Variants in HIPK2 observed in about 807,000 individuals in gnomAD.
HIPK2 encodes homeodomain interacting protein kinase 2, also known as homeodomain-interacting protein kinase 2.
Under a neutral mutation model 113.7 loss-of-function variants are expected in HIPK2, and 27 were observed. That is an observed-to-expected ratio of 0.24 (90% CI 0.17 to 0.33). HIPK2 has a LOEUF of 0.33. HIPK2 is among the 10% of genes least tolerant of loss of function. HIPK2 has a pLI of 1.00. For missense variants in HIPK2, 1,257 were observed against 1,588.0 expected, an observed-to-expected ratio of 0.79 and a Z score of 3.54; for synonymous variants, 631 against 642.2, an observed-to-expected ratio of 0.98 and a Z score of 0.26.
chr7:139,627,298 CTATG>C lies in HIPK2; in HGVS notation c.1435-517_1435-514del, dbSNP rs34240424. Among the ~76,000 whole-genome samples, 1,345 of 148,558 alleles carry C rather than the reference CTATG, an allele frequency of 9.1e-3. 14 individuals are homozygous for C. The highest frequency in any genetic ancestry group is 0.028 in the African/African-American group (1,137 of 40,140). ...CAGTACAAATAAGATACAAAAAAGT[CTATG>C]TATGTATGTATGTATGTATGTATGT... is the stretch of plus-strand genomic sequence containing the variant. On this transcript the variant is annotated intron_variant, in intron 5 of 14. Transcript: ENST00000406875.
Position 139,572,914 on chromosome 7 carries a change from T to TC in HIPK2, c.*12dup. The TC allele has an allele frequency of 1.1e-5, 2 of 183,566 alleles. No individual in the cohort carries two copies. 11.4% of individuals were successfully genotyped at this position (183,566 alleles called of 1,614,324 possible). ...TTCTCTCCCTCCCTCCCTCCCTCCCTCCCCTCCAGTGTTTATATGTAAGGG... is the reference window on the plus strand; with the variant it reads ...TTCTCTCCCTCCCTCCCTCCCTCCCTCCCCCTCCAGTGTTTATATGTAAGGG... On this transcript the variant is annotated 3_prime_UTR_variant, in exon 15 of 15. Transcript: ENST00000406875.
At chr7:139,625,259 C>T (rs1800386635) in intron 6 of HIPK2, among the ~76,000 whole-genome samples, 1 of 152,224 alleles carries the variant, frequency 6.6e-6, no homozygotes, top group African/African-American at 2.4e-5. Flanking sequence ...TCACCTCTCA[C>T]TTGGTCTTTC....
At chr7:139,580,944 G>T (rs967647344) in intron 13 of HIPK2, among the ~76,000 whole-genome samples, 2 of 152,218 alleles carry the variant, frequency 1.3e-5, no homozygotes, top group East Asian at 3.8e-4. Context: ...TCTTGGCCGG[G>T]CATGGTGGCT....
chr7:139,664,006 AAGG>A (rs1801956578), intron 2 of HIPK2, among the ~76,000 whole-genome samples: 1 of 152,170 alleles, frequency 6.6e-6, no homozygotes, highest in Non-Finnish European at 1.5e-5. Flanking sequence ...GCCATTCTTC[AAGG>A]AGGACTCTGC....
intron 1 of HIPK2, among the ~76,000 whole-genome samples, chr7:139,757,110 TGAAAAGA>T (rs1796375225): frequency 6.6e-6 from 1 of 152,158 alleles, no homozygotes; most frequent in Admixed American, 6.5e-5. Context: ...ATCATCCTCC[TGAAAAGA>T]TGAGACACAG....
chr7:139,620,880 T>C (rs1389536075), intron 6 of HIPK2, among the ~76,000 whole-genome samples: 1 of 152,224 alleles, frequency 6.6e-6, no homozygotes, highest in Non-Finnish European at 1.5e-5. Flanking sequence ...TCACTGCTCA[T>C]TCTCAACTCT....
At chr7:139,657,285 G>C (rs1801704362) in intron 2 of HIPK2, among the ~76,000 whole-genome samples, 1 of 152,226 alleles carries the variant, frequency 6.6e-6, no homozygotes, top group Admixed American at 6.5e-5. Flanking sequence ...CCCTCCGTGG[G>C]AGGTACTACG....
rs1056562232 is a variant in HIPK2, at chr7:139,570,982, C to G, written c.*1945G>C. 6.6e-6 allele frequency: 1 copy of G among 152,240 alleles called. No homozygotes were observed. The highest frequency in any genetic ancestry group is 2.4e-5 in the African/African-American group (1 of 41,450). 9.4% of individuals were successfully genotyped at this position (152,240 alleles called of 1,614,324 possible). A position where few individuals can be genotyped will look rare whatever the true frequency, so the allele number is the denominator to read the frequency against. On this transcript the variant is annotated 3_prime_UTR_variant, in exon 15 of 15. Coordinates refer to ENST00000406875, the MANE Select transcript of HIPK2 (RefSeq NM_022740.5). ...CAGAAGTGTCCAAAGCCTGAGAAAA[C>G]TTCCAGAATGTATCAAAGGTGCAAA... is the stretch of plus-strand genomic sequence containing the variant.
At chr7:139,672,300 G>A (rs769088146) in intron 2 of HIPK2, among the ~76,000 whole-genome samples, 2 of 152,096 alleles carry the variant, frequency 1.3e-5, no homozygotes, top group Non-Finnish European at 2.9e-5. Context: ...TATGTAAGTT[G>A]GCATGAAATT....
intron 2 of HIPK2, among the ~76,000 whole-genome samples, chr7:139,708,762 C>T (rs904842859): frequency 6.6e-6 from 1 of 152,204 alleles, no homozygotes; most frequent in Non-Finnish European, 1.5e-5. Flanking sequence ...GTGTCTTTCA[C>T]CACATGGTGG....
intron 2 of HIPK2, among the ~76,000 whole-genome samples, chr7:139,653,727 C>T (rs777527297): frequency 2.6e-5 from 4 of 151,624 alleles, no homozygotes; most frequent in African/African-American, 9.7e-5. Context: ...CTGGCCTCCT[C>T]GAGACTGTTG....
chr7:139,587,250 G>A (rs967489871), intron 12 of HIPK2, among the ~76,000 whole-genome samples: 2 of 151,980 alleles, frequency 1.3e-5, no homozygotes, highest in African/African-American at 4.8e-5. Context: ...AGCACTTTGG[G>A]AGGCCGAGGT....
chr7:139,584,095 G>T (rs1798758823), intron 12 of HIPK2, 31 bp from the exon 13 acceptor site: 1 of 1,551,858 alleles, frequency 6.4e-7, no homozygotes, highest in East Asian at 2.3e-5. Context: ...GTCAGAGGTG[G>T]GAGAAGGCCG....
chr7:139,690,285 AG>A (rs141840971), intron 2 of HIPK2, among the ~76,000 whole-genome samples: 5,432 of 152,192 alleles, frequency 0.036, 337 homozygotes, highest in African/African-American at 0.12. Flanking sequence ...GTGCACACAG[AG>A]TCAGGGGAGG....
At chr7:139,636,289 C>G (rs1800811218) in intron 2 of HIPK2, among the ~76,000 whole-genome samples, 1 of 151,858 alleles carries the variant, frequency 6.6e-6, no homozygotes, top group Admixed American at 6.6e-5. Context: ...TCGCCCTCTT[C>G]TATCCAACTG....
chr7:139,733,553 T>C (rs916681402), intron 1 of HIPK2, among the ~76,000 whole-genome samples: 2 of 152,228 alleles, frequency 1.3e-5, no homozygotes, highest in Non-Finnish European at 2.9e-5. Context: ...ACTCCTGATA[T>C]ATGTGATTTT....
chr7:139,655,802 G>A (rs530412529), intron 2 of HIPK2, among the ~76,000 whole-genome samples: 110 of 152,314 alleles, frequency 7.2e-4, no homozygotes, highest in African/African-American at 2.5e-3. Flanking sequence ...GGCAACTGGA[G>A]AATGAATTAG....
intron 2 of HIPK2, among the ~76,000 whole-genome samples, chr7:139,646,102 T>C (rs1801209785): frequency 6.6e-6 from 1 of 152,068 alleles, no homozygotes; most frequent in African/African-American, 2.4e-5. Flanking sequence ...CACCTCCCAC[T>C]AGGGGGCGCT....
chr7:139,638,634 G>C (rs900650328), intron 2 of HIPK2, among the ~76,000 whole-genome samples: 2 of 151,044 alleles, frequency 1.3e-5, no homozygotes, highest in Non-Finnish European at 2.9e-5. Context: ...TCTTGTTCTG[G>C]AGAAAGAGAG....
Sources: gnomAD v4.1 joint callset for allele counts (sites outside exome capture counted in the v4.1 genomes callset) on GRCh38, gnomAD v4.1.1 for gene constraint, MANE v1.5 for transcripts, NCBI Gene and HGNC (gene_info 2026-07-23, HGNC 2026-07-21) for gene names.